Variants in ACBD6 observed in about 807,000 individuals in gnomAD.
ACBD6 encodes acyl-CoA binding domain containing 6.
A neutral mutation model predicts 37.2 loss-of-function variants in ACBD6; 28 were observed. The observed-to-expected ratio is 0.75, with a 90% CI of 0.56 to 1.03. The LOEUF (loss-of-function observed/expected upper bound fraction) is 1.03. ACBD6 is among the 50% of genes least tolerant of loss of function. ACBD6 has a pLI of 0.00. For synonymous variants in ACBD6, 113 were observed against 126.8 expected (o/e 0.89, Z 0.73); for missense variants, 340 against 337.4 (o/e 1.01, Z -0.06).
At chr1:180,478,179 TATC>T (rs1180572149) in intron 3 of ACBD6, among the ~76,000 whole-genome samples, 1 of 152,112 alleles carries the variant, frequency 6.6e-6, no homozygotes, top group African/African-American at 2.4e-5. Flanking sequence ...ATAATAAGAT[TATC>T]TTTATTGAAA....
intron 2 of ACBD6, among the ~76,000 whole-genome samples, chr1:180,494,350 CA>C (rs1651643341): frequency 6.6e-6 from 1 of 152,096 alleles, no homozygotes; most frequent in African/African-American, 2.4e-5. Context: ...TAAATTATAA[CA>C]AAAAACTCAC....
intron 6 of ACBD6, among the ~76,000 whole-genome samples, chr1:180,337,217 C>A (rs1237369734): frequency 6.6e-6 from 1 of 152,132 alleles, no homozygotes; most frequent in Non-Finnish European, 1.5e-5. Flanking sequence ...GAATTTTAGA[C>A]CAATATCCCT....
intron 6 of ACBD6, among the ~76,000 whole-genome samples, chr1:180,348,303 T>TCAA (rs1652270623): frequency 6.6e-6 from 1 of 152,130 alleles, no homozygotes; most frequent in Non-Finnish European, 1.5e-5. Context: ...AGCAAATAAA[T>TCAA]CAACATAGAG....
chr1:180,317,951 C>T (rs1032076071), intron 6 of ACBD6, among the ~76,000 whole-genome samples: 7 of 152,156 alleles, frequency 4.6e-5, no homozygotes, highest in Admixed American at 3.3e-4. Context: ...CCAAGGTGGG[C>T]GGATTGCCTG....
chr1:180,387,060 A>G (rs1320477341), intron 6 of ACBD6, among the ~76,000 whole-genome samples: 2 of 152,140 alleles, frequency 1.3e-5, no homozygotes, highest in Non-Finnish European at 2.9e-5. Flanking sequence ...GCAGCTCCTG[A>G]TCTACTTTTA....
intron 4 of ACBD6, among the ~76,000 whole-genome samples, chr1:180,420,115 A>G (rs1006244584): frequency 6.6e-5 from 10 of 152,124 alleles, no homozygotes; most frequent in African/African-American, 1.9e-4. Flanking sequence ...GTTCCTCATC[A>G]TATCTATCTG....
intron 13 of ACBD6, chr1:180,271,977 G>A (rs1167644378): frequency 6.2e-7 from 1 of 1,613,044 alleles, no homozygotes. Context: ...GAGGACTGTG[G>A]GGTTAGTGAC....
chr1:180,401,288 G>T (rs1195523275), intron 5 of ACBD6, among the ~76,000 whole-genome samples: 1 of 152,174 alleles, frequency 6.6e-6, no homozygotes, highest in Non-Finnish European at 1.5e-5. Context: ...TCAGACAGAT[G>T]AATGACTCTA....
chr1:180,371,549 A>T (rs1432084626), intron 6 of ACBD6, among the ~76,000 whole-genome samples: 4 of 152,100 alleles, frequency 2.6e-5, no homozygotes, highest in Admixed American at 2.6e-4. Flanking sequence ...GTTGGGGCCT[A>T]CTTTTTTAAA....
At chr1:180,302,234 A>G (rs559901404) in intron 7 of ACBD6, among the ~76,000 whole-genome samples, 1 of 152,252 alleles carries the variant, frequency 6.6e-6, no homozygotes, top group African/African-American at 2.4e-5. Flanking sequence ...GATGAAATAG[A>G]CTAGTATCTA....
chr1:180,339,405 G>A (rs1235369672), intron 6 of ACBD6, among the ~76,000 whole-genome samples: 6 of 152,080 alleles, frequency 3.9e-5, no homozygotes, highest in Non-Finnish European at 8.8e-5. Flanking sequence ...GCTGGAAACC[G>A]TCATTCTCAG....
At chr1:180,494,347 TAAC>T (rs1217947237) in intron 2 of ACBD6, among the ~76,000 whole-genome samples, 2 of 152,170 alleles carry the variant, frequency 1.3e-5, no homozygotes, top group Admixed American at 6.5e-5. Flanking sequence ...TCATAAATTA[TAAC>T]AAAAAACTCA....
Position 180,304,673 on chromosome 1 carries a change from C to G in ACBD6, c.694+10019G>C, listed in dbSNP as rs1355430811. ...AATCAATATCATGAAAATGGCCATACTGCCCAAGGTAATTTATAGATTCAA... is the reference window on the plus strand; with the variant it reads ...AATCAATATCATGAAAATGGCCATAGTGCCCAAGGTAATTTATAGATTCAA... On this transcript the variant is annotated intron_variant, in intron 7 of 7. Transcript: ENST00000367595. 1.3e-5 allele frequency among the ~76,000 whole-genome samples: 2 copies of G among 150,798 alleles called. 1 individual carries two copies. The highest frequency in any genetic ancestry group is 3.0e-5 in the Non-Finnish European group (2 of 67,498).
intron 7 of ACBD6, among the ~76,000 whole-genome samples, chr1:180,292,019 A>T (rs1341044686): frequency 6.6e-6 from 1 of 152,324 alleles, no homozygotes; most frequent in Middle Eastern, 3.4e-3. Flanking sequence ...TAGGTTATCT[A>T]TCATGTTCCT....
At position 180,355,162 on chromosome 1, in the gene ACBD6, T is replaced by TA. The variant is rs1476068852; in HGVS notation, c.664-40441dup. Among the ~76,000 whole-genome samples, 3 of 152,174 alleles carry TA rather than the reference T, an allele frequency of 2.0e-5. No individual in the cohort carries two copies. The East Asian group carries it at 5.8e-4, about 29-fold the overall frequency. The stretch of plus-strand genomic sequence containing the variant: ...AATCTCATCCAACCACCTTATGAAA[T>TA]AGGTACTAAGTTATCTCATTTCACA... On this transcript the variant is annotated intron_variant, in intron 6 of 7. Transcript: ENST00000367595.
chr1:180,412,683 T>C (rs757530236), intron 5 of ACBD6, among the ~76,000 whole-genome samples: 27 of 151,954 alleles, frequency 1.8e-4, no homozygotes, highest in African/African-American at 5.3e-4. Context: ...CCGGGCGACA[T>C]AGCAAGACCC....
At chr1:180,347,944 C>A (rs1450433131) in intron 6 of ACBD6, among the ~76,000 whole-genome samples, 1 of 150,544 alleles carries the variant, frequency 6.6e-6, no homozygotes, top group Admixed American at 6.6e-5. Flanking sequence ...CACAGCGAGA[C>A]CCCGTCTCAA....
At chr1:180,428,837 A>G (rs1200741892) in intron 4 of ACBD6, among the ~76,000 whole-genome samples, 3 of 152,206 alleles carry the variant, frequency 2.0e-5, no homozygotes, top group Non-Finnish European at 2.9e-5. Flanking sequence ...TCTAACTAGG[A>G]AAGAAAAATA....
chr1:180,325,664 T>C (rs1444523416), intron 6 of ACBD6, among the ~76,000 whole-genome samples: 1 of 152,210 alleles, frequency 6.6e-6, no homozygotes, highest in East Asian at 1.9e-4. Flanking sequence ...TTAGAATTTA[T>C]TGTAGTCTTC....
Sources: allele counts gnomAD v4.1 joint callset (sites outside exome capture counted in the v4.1 genomes callset), GRCh38; gene constraint gnomAD v4.1.1; transcripts MANE v1.5; gene names NCBI Gene and HGNC (gene_info 2026-07-23, HGNC 2026-07-21).